Variants in CUBN observed in about 807,000 individuals in gnomAD.
The protein encoded by CUBN is cubilin.
Under a neutral mutation model 405.3 loss-of-function variants are expected in CUBN, and 282 were observed. The observed-to-expected ratio is 0.70, with a 90% CI of 0.63 to 0.77. CUBN has a LOEUF of 0.77. Ranked by LOEUF, CUBN falls within the 30% of genes least tolerant of loss-of-function variation. The pLI is 0.00. For synonymous variants in CUBN, 1,684 were observed against 1,617.0 expected (o/e 1.04, Z -0.99); for missense variants, 4,514 against 4,475.2 (o/e 1.01, Z -0.25).
At chr10:17,015,596 C>G (rs188401987) in intron 28 of CUBN, among the ~76,000 whole-genome samples, 1 of 152,136 alleles carries the variant, frequency 6.6e-6, no homozygotes, top group Non-Finnish European at 1.5e-5. Context: ...AATTTCCTGG[C>G]CCTCAATGGT....
intron 59 of CUBN, among the ~76,000 whole-genome samples, chr10:16,866,788 A>C (rs762922549): frequency 2.6e-5 from 4 of 152,184 alleles, no homozygotes; most frequent in Non-Finnish European, 5.9e-5. Flanking sequence ...CATGCTTGCC[A>C]AATGTGCTTT....
chr10:16,991,760 T>C (rs969255055), intron 28 of CUBN, among the ~76,000 whole-genome samples: 12 of 152,098 alleles, frequency 7.9e-5, no homozygotes, highest in Non-Finnish European at 1.3e-4. Flanking sequence ...GGAGAGGATG[T>C]GGAGAAATAG....
chr10:16,872,173 G>A (rs1840375250), intron 58 of CUBN, among the ~76,000 whole-genome samples: 1 of 152,118 alleles, frequency 6.6e-6, no homozygotes, highest in Non-Finnish European at 1.5e-5. Flanking sequence ...CCAGCAGGTG[G>A]AGGTTGCAGT....
chr10:16,956,468 T>C (rs925240303), intron 31 of CUBN, among the ~76,000 whole-genome samples: 11 of 151,982 alleles, frequency 7.2e-5, no homozygotes, highest in African/African-American at 2.2e-4. Context: ...TTTGAACACG[T>C]TGAACACTGT....
chr10:16,851,098 T>C lies in CUBN; in HGVS notation c.9663+137A>G, dbSNP rs574413252. ...TCTATAATATTAAATGTAGCATCAC[T>C]GAAGAAAAGGTCATTTTAAAAAGCA... On this transcript the variant is annotated intron_variant, in intron 60 of 66. Transcript: ENST00000377833. The C allele has an allele frequency of 4.6e-3, 3,210 of 700,284 alleles. 142 individuals carry two copies. The South Asian group carries it at 0.051, about 11-fold the overall frequency. 43.4% of individuals were successfully genotyped at this position (700,284 alleles called of 1,614,324 possible).
intron 5 of CUBN, chr10:17,123,274 C>A: frequency 2.2e-6 from 1 of 455,084 alleles, no homozygotes; most frequent in Non-Finnish European, 3.9e-6. Context: ...AGAAAATTTG[C>A]ATAGGTATGT....
chr10:17,057,155 G>C (rs1835413985), intron 22 of CUBN, among the ~76,000 whole-genome samples: 1 of 152,154 alleles, frequency 6.6e-6, no homozygotes. Flanking sequence ...AGGGTGAGCT[G>C]GTGGTAGAAA....
At position 16,851,295 on chromosome 10, in the gene CUBN, G is replaced by A. The variant is rs755643638; in HGVS notation, c.9603C>T (p.Phe3201=). 3 of 1,614,128 alleles carry A rather than the reference G, an allele frequency of 1.9e-6. No homozygotes were observed. Among genetic ancestry groups the A allele is most frequent in the Non-Finnish European group, 2.5e-6 (3 of 1,179,988 alleles). ...APVNKVIHLT[F]NTFALEAAST... ...TTGCTGCCTCCAGAGCAAATGTATT[G>A]AAGGTGAGGTGAATTACTTTGTTTA... Residue 3201 remains phenylalanine, a synonymous_variant, in exon 60 of 67, where the codon TTC becomes TTT. Coordinates refer to ENST00000377833, the MANE Select transcript of CUBN (RefSeq NM_001081.4).
intron 33 of CUBN, 83 bp from the exon 34 acceptor site, chr10:16,950,194 G>C: frequency 1.1e-6 from 1 of 879,464 alleles, no homozygotes; most frequent in Non-Finnish European, 1.8e-6. Flanking sequence ...GGGAGGTGGG[G>C]ATGGTTAATG....
chr10:16,830,109 T>C (rs568992831), intron 65 of CUBN, among the ~76,000 whole-genome samples: 223 of 152,278 alleles, frequency 1.5e-3, no homozygotes, highest in African/African-American at 4.1e-3. Flanking sequence ...TTAATTTTTG[T>C]ATTTTTAGTG....
At chr10:16,834,108 G>A (rs7897625) in intron 64 of CUBN, among the ~76,000 whole-genome samples, 15,709 of 152,134 alleles carry the variant, frequency 0.1, 933 homozygotes, top group East Asian at 0.15. Context: ...TTTCGACAGA[G>A]CTTGCAAAGC....
chr10:16,877,052 A>C lies in CUBN; in HGVS notation c.8951T>G (p.Ile2984Ser). ...TGSCVNDGVH[I>S]IRGYSVMSTP... Reference sequence around the variant, plus strand: ...GGACATGACGCTGTAACCTCTGATAATGTGCACGCCATCGTTGACACAGCT... The same window carrying C: ...GGACATGACGCTGTAACCTCTGATACTGTGCACGCCATCGTTGACACAGCT... The change falls in exon 57 of 67, where the codon ATT becomes AGT. Residue 2984 changes from isoleucine (I) to serine (S), a missense_variant. Around this residue, in one of 5 missense-constraint regions of CUBN, gnomAD observed 1,186 missense variants for 1,186.9 expected, o/e 1.00. Coordinates refer to ENST00000377833, the MANE Select transcript of CUBN (RefSeq NM_001081.4). 1.9e-6 allele frequency: 3 copies of C among 1,614,154 alleles called. No homozygotes were observed. Among genetic ancestry groups the C allele is most frequent in the Non-Finnish European group, 2.5e-6 (3 of 1,180,026 alleles).
rs1456223892 is a variant in CUBN at position 16,913,757 on chromosome 10, G to T, written c.7533+54C>A. 6 of 1,598,638 alleles carry T rather than the reference G, an allele frequency of 3.8e-6. No individual in the cohort carries two copies. The Admixed American group carries it at 1.0e-4, about 27-fold the overall frequency. ...GTTTTCTGACTATGATTTATGGGTC[G>T]GTAAACTCTTTAAATGATGGAATAT... On this transcript the variant is annotated intron_variant, in intron 48 of 66. Coordinates refer to ENST00000377833, the MANE Select transcript of CUBN (RefSeq NM_001081.4).
In CUBN at chr10:16,825,052, A is replaced by G. The variant is rs1177156381; in HGVS notation, c.10795T>C (p.Ser3599Pro). 3 of 1,613,740 alleles carry G rather than the reference A, an allele frequency of 1.9e-6. No individual in the cohort carries two copies. The highest frequency in any genetic ancestry group is 2.5e-6 in the Non-Finnish European group (3 of 1,179,828). The change falls in exon 67 of 67, where the codon TCA (serine) becomes CCA (proline). Residue 3599 changes from serine to proline, a missense_variant. Ser to Pro is a moderately conservative substitution (Grantham distance 74). Around this residue, in one of 5 missense-constraint regions of CUBN, gnomAD observed 1,186 missense variants for 1,186.9 expected, o/e 1.00. Coordinates refer to ENST00000377833, the MANE Select transcript of CUBN (RefSeq NM_001081.4). ...TGAAATTTTATGAAGACCTGATTTGAGGAAGCCACGAAGGGAGCTATGCTG... is the reference window on the plus strand; with the variant it reads ...TGAAATTTTATGAAGACCTGATTTGGGGAAGCCACGAAGGGAGCTATGCTG... Reference protein sequence around the residue: ...DTSIAPFVASSNQVFIKFHAD... With the variant: ...DTSIAPFVASPNQVFIKFHAD...
intron 22 of CUBN, among the ~76,000 whole-genome samples, chr10:17,063,615 T>A (rs1907361): frequency 0.42 from 64,589 of 152,074 alleles, 16,376 homozygotes; most frequent in East Asian, 0.66. Flanking sequence ...AAATCTAATA[T>A]CCTCCCTGCC....
At chr10:16,940,357 C>T in intron 36 of CUBN, 120 bp from the exon 37 acceptor site, 1 of 974,534 alleles carries the variant, frequency 1.0e-6, no homozygotes, top group Non-Finnish European at 1.6e-6. Flanking sequence ...ACTTTGATCA[C>T]AACATTATTT....
chr10:16,970,703 T>C (rs1243354628), intron 31 of CUBN, among the ~76,000 whole-genome samples: 2 of 152,228 alleles, frequency 1.3e-5, no homozygotes, highest in African/African-American at 4.8e-5. Flanking sequence ...AAAATACTTA[T>C]TCACTTCGTA....
chr10:16,943,509 G>A (rs1271962408), intron 36 of CUBN, among the ~76,000 whole-genome samples: 1 of 152,036 alleles, frequency 6.6e-6, no homozygotes, highest in Non-Finnish European at 1.5e-5. Context: ...TATACATTCA[G>A]GCTCAATTTT....
At chr10:16,858,751 C>A (rs562154270) in intron 59 of CUBN, among the ~76,000 whole-genome samples, 1 of 152,216 alleles carries the variant, frequency 6.6e-6, no homozygotes, top group African/African-American at 2.4e-5. Flanking sequence ...GTAATCAAGA[C>A]AGTGTGATAT....
Sources: gnomAD v4.1 joint callset for allele counts (sites outside exome capture counted in the v4.1 genomes callset) on GRCh38, gnomAD v4.1.1 for gene constraint, gnomAD v4.1.1 regional missense constraint, MANE v1.5 for transcripts, NCBI Gene and HGNC (gene_info 2026-07-23, HGNC 2026-07-21) for gene names.